The following TNR variants were observed in gnomAD, a reference collection of about 807,000 sequenced individuals.
The protein encoded by TNR is tenascin-R.
In TNR, 45 loss-of-function variants were observed where a neutral mutation model predicts 150.4. The ratio of observed to expected loss-of-function variants is 0.30; its 90% CI spans 0.24 to 0.38. TNR has a LOEUF of 0.38. Ranked by LOEUF, TNR falls within the 10% of genes least tolerant of loss-of-function variation. TNR has a pLI of 1.00. For missense variants in TNR, 1,544 were observed against 1,759.1 expected, an observed-to-expected ratio of 0.88 and a Z score of 2.19; for synonymous variants, 687 against 678.4, an observed-to-expected ratio of 1.01 and a Z score of -0.20.
chr1:175,710,077 C>A (rs1204267637), intron 1 of TNR, among the ~76,000 whole-genome samples: 2 of 151,976 alleles, frequency 1.3e-5, no homozygotes, highest in Non-Finnish European at 1.5e-5. Flanking sequence ...ATTCGAGGGT[C>A]ACTTAGGTTA....
At chr1:175,453,753 T>C (rs1012050684) in intron 2 of TNR, among the ~76,000 whole-genome samples, 25 of 151,986 alleles carry the variant, frequency 1.6e-4, no homozygotes, top group African/African-American at 5.3e-4. Flanking sequence ...AAAAGTTTTT[T>C]TTAGAGACTA....
intron 1 of TNR, among the ~76,000 whole-genome samples, chr1:175,707,631 T>A (rs1338427605): frequency 1.3e-5 from 2 of 152,202 alleles, no homozygotes; most frequent in African/African-American, 4.8e-5. Context: ...CAGGAAGTGC[T>A]GCTGGGGTGT....
chr1:175,423,499 G>T (rs758822001), intron 2 of TNR, among the ~76,000 whole-genome samples: 1 of 152,164 alleles, frequency 6.6e-6, no homozygotes, highest in Non-Finnish European at 1.5e-5. Context: ...CCCAGGGAAT[G>T]GTCAACCCTG....
chr1:175,510,895 A>T (rs968718307), intron 2 of TNR, among the ~76,000 whole-genome samples: 1 of 152,228 alleles, frequency 6.6e-6, no homozygotes, highest in Admixed American at 6.5e-5. Context: ...TCCCAAAATT[A>T]TTCAGTTCAG....
At chr1:175,514,855 G>T (rs969269271) in intron 2 of TNR, among the ~76,000 whole-genome samples, 1 of 152,222 alleles carries the variant, frequency 6.6e-6, no homozygotes, top group Non-Finnish European at 1.5e-5. Flanking sequence ...TTCCTGTGGG[G>T]CTGGATGACT....
intron 6 of TNR, among the ~76,000 whole-genome samples, 173 bp downstream of exon 6, chr1:175,393,607 C>T (rs1653281957): frequency 6.6e-6 from 1 of 152,220 alleles, no homozygotes; most frequent in Admixed American, 6.5e-5. Flanking sequence ...GTCGTTACCA[C>T]ATATTTGTCA....
intron 6 of TNR, among the ~76,000 whole-genome samples, chr1:175,392,363 A>C (rs1300484501): frequency 2.0e-5 from 3 of 152,192 alleles, no homozygotes; most frequent in Non-Finnish European, 4.4e-5. Flanking sequence ...CTTATAAATC[A>C]GTGTGATGAA....
intron 2 of TNR, among the ~76,000 whole-genome samples, chr1:175,461,239 C>T (rs973498779): frequency 1.3e-5 from 2 of 152,198 alleles, no homozygotes; most frequent in Admixed American, 1.3e-4. Flanking sequence ...CACTGACCTG[C>T]AGTTGGGGTT....
At chr1:175,679,184 C>T (rs779742138) in intron 1 of TNR, among the ~76,000 whole-genome samples, 3 of 152,258 alleles carry the variant, frequency 2.0e-5, no homozygotes, top group African/African-American at 4.8e-5. Context: ...TGCAATCTTG[C>T]TTGGATGGCC....
chr1:175,548,787 T>C (rs1660821296), intron 1 of TNR, among the ~76,000 whole-genome samples: 1 of 152,238 alleles, frequency 6.6e-6, no homozygotes, highest in South Asian at 2.1e-4. Context: ...TGATTACACT[T>C]AGAAAATGTA....
At chr1:175,715,254 C>T (rs1372350446) in intron 1 of TNR, among the ~76,000 whole-genome samples, 1 of 152,158 alleles carries the variant, frequency 6.6e-6, no homozygotes, top group East Asian at 1.9e-4. Context: ...CATTCCATGG[C>T]CTGTCAATAC....
chr1:175,477,319 G>A (rs1332621564), intron 2 of TNR, among the ~76,000 whole-genome samples: 1 of 152,176 alleles, frequency 6.6e-6, no homozygotes, highest in Non-Finnish European at 1.5e-5. Context: ...AGAGGAACCT[G>A]CGTAGAATAT....
intron 2 of TNR, among the ~76,000 whole-genome samples, chr1:175,468,391 A>G (rs1025163926): frequency 2.0e-5 from 3 of 152,206 alleles, no homozygotes; most frequent in African/African-American, 4.8e-5. Flanking sequence ...CATAATAATC[A>G]CACCAGTTCA....
intron 1 of TNR, among the ~76,000 whole-genome samples, chr1:175,627,366 T>G (rs145966084): frequency 2.0e-5 from 3 of 152,338 alleles, no homozygotes; most frequent in African/African-American, 7.2e-5. Flanking sequence ...ATAAAACTTG[T>G]TCTGTCTGCC....
rs761044711 is a variant in TNR at position 175,366,155 on chromosome 1, A to C, written c.2054-17T>G. 2.5e-6 allele frequency: 4 copies of C among 1,575,944 alleles called. No individual in the cohort carries two copies. In the African/African-American group the frequency reaches 5.4e-5, roughly 21 times the overall value. ...TGTCAAGTTCTGTGGATTGACATAA[A>C]TGGCCTATTTTACATGTGTTCCCCT... On this transcript the variant is annotated splice_polypyrimidine_tract_variant and intron_variant, in intron 10 of 22. Coordinates refer to ENST00000367674, the MANE Select transcript of TNR (RefSeq NM_003285.3).
At chr1:175,440,383 C>T (rs1263391570) in intron 2 of TNR, among the ~76,000 whole-genome samples, 5 of 80,546 alleles carry the variant, frequency 6.2e-5, no homozygotes, top group African/African-American at 1.0e-4. Flanking sequence ...TGTGGGGTGG[C>T]GGGTGGGGGG....
chr1:175,648,968 G>A (rs967952026), intron 1 of TNR, among the ~76,000 whole-genome samples: 8 of 152,116 alleles, frequency 5.3e-5, no homozygotes, highest in Admixed American at 4.6e-4. Flanking sequence ...CTCAGGCCTG[G>A]ACTACCTCAG....
chr1:175,686,113 A>T (rs77186939), intron 1 of TNR, among the ~76,000 whole-genome samples: 1 of 152,166 alleles, frequency 6.6e-6, no homozygotes, highest in African/African-American at 2.4e-5. Context: ...TAAGTTTTTT[A>T]TTTGCCATGA....
In TNR at chr1:175,323,145, G is replaced by A; in HGVS notation, c.*212C>T. On this transcript the variant is annotated 3_prime_UTR_variant, in exon 23 of 23. Transcript: ENST00000367674. ...AGGAGGTGAAGGTTGAGGAGGCCTG[G>A]GTAGGAGGGAGAATGGAGACTGAGG... is the stretch of plus-strand genomic sequence containing the variant. 1.9e-6 allele frequency: 1 copy of A among 539,802 alleles called. No individual in the cohort carries two copies. The highest frequency in any genetic ancestry group is 3.1e-6 in the Non-Finnish European group (1 of 320,450). The allele number at this position is 539,802 out of a possible 1,614,324, so 33.4% of individuals were successfully genotyped here.
Sources: allele counts gnomAD v4.1 joint callset (sites outside exome capture counted in the v4.1 genomes callset), GRCh38; gene constraint gnomAD v4.1.1; transcripts MANE v1.5; gene names NCBI Gene and HGNC (gene_info 2026-07-23, HGNC 2026-07-21).